Variants in RBM23 observed in about 807,000 individuals in gnomAD.
RBM23 encodes probable RNA-binding protein 23.
In RBM23, 53 loss-of-function variants were observed where a neutral mutation model predicts 56.2. That is an observed-to-expected ratio of 0.94 (90% CI 0.76 to 1.19). The LOEUF (loss-of-function observed/expected upper bound fraction) is 1.19. Ranked by LOEUF, RBM23 falls within the 50% of genes most tolerant of loss-of-function variation. RBM23 has a pLI of 0.00. For missense variants in RBM23, 642 were observed against 590.3 expected (o/e 1.09, Z -0.91); for synonymous variants, 197 against 198.5 (o/e 0.99, Z 0.06).
rs985991208 is a variant in RBM23 at position 22,899,656 on chromosome 14, G to GT, written c.*2073dup. 6.6e-6 allele frequency: 1 copy of GT among 152,210 alleles called. No homozygotes were observed. Among genetic ancestry groups the GT allele is most frequent in the African/African-American group, 2.4e-5 (1 of 41,406 alleles). 9.4% of individuals were successfully genotyped at this position (152,210 alleles called of 1,614,324 possible). A position where few individuals can be genotyped will look rare whatever the true frequency, so the allele number is the denominator to read the frequency against. On this transcript the variant is annotated 3_prime_UTR_variant, in exon 14 of 14. Coordinates refer to ENST00000359890, the MANE Select transcript of RBM23 (RefSeq NM_001077351.2). ...CTCCCAAAGTGCTGGGATTACAGGCGTGAGCCAGTGCACCCAGCCTACACC... is the reference window on the plus strand; with the variant it reads ...CTCCCAAAGTGCTGGGATTACAGGCGTTGAGCCAGTGCACCCAGCCTACACC...
Position 22,894,557 on chromosome 14 carries a change from A to C in RBM23, c.*7173T>G, listed in dbSNP as rs1212164967. The C allele has an allele frequency of 6.6e-6, 1 of 151,978 alleles. No individual in the cohort carries two copies. Among genetic ancestry groups the C allele is most frequent in the African/African-American group, 2.4e-5 (1 of 41,350 alleles). The allele number at this position is 151,978 out of a possible 1,614,324, so 9.4% of individuals were successfully genotyped here. On this transcript the variant is annotated 3_prime_UTR_variant, in exon 14 of 14. Transcript: ENST00000359890. ...TGGTGAAACCCTATTTCTACTAAAA[A>C]AAATTACAAAAATTAGCCAGGCATG...
At position 22,906,339 on chromosome 14, in the gene RBM23, C is replaced by A. The variant is rs761367130; in HGVS notation, c.257G>T (p.Arg86Leu). ...TGGACTTCGGCTCCGACTATTTCTCCGTCTATACCGATCCCGATCTCGACT... is the reference window on the plus strand; with the variant it reads ...TGGACTTCGGCTCCGACTATTTCTCAGTCTATACCGATCCCGATCTCGACT... The part of the protein sequence containing the change: ...SRSRDRDRYR[R>L]RNSRSRSPGR... Residue 86 changes from arginine (R) to leucine (L), a missense_variant, in exon 5 of 14, where the codon CGG (arginine) becomes CTG (leucine). Physicochemically the swap from Arg to Leu is moderately radical, Grantham distance 102 (BLOSUM62 -2). Coordinates refer to ENST00000359890, the MANE Select transcript of RBM23 (RefSeq NM_001077351.2). 6.2e-7 allele frequency: 1 copy of A among 1,614,224 alleles called. No individual in the cohort carries two copies. The highest frequency in any genetic ancestry group is 8.5e-7 in the Non-Finnish European group (1 of 1,180,042).
intron 10 of RBM23, chr14:22,902,797 C>CA (rs1490487859): frequency 4.6e-5 from 44 of 954,258 alleles, no homozygotes; most frequent in Non-Finnish European, 5.1e-5. Flanking sequence ...GACGGAGTCC[C>CA]ACTCTGTCAC....
In RBM23 at chr14:22,901,846, G is replaced by C. The variant is rs1127066; in HGVS notation, c.1284C>G (p.Phe428Leu). The change falls in exon 13 of 14, where the codon TTC (phenylalanine) becomes TTG (leucine). Residue 428 changes from phenylalanine (F) to leucine (L), a missense_variant. By Grantham distance (22) the Phe-to-Leu change is conservative (BLOSUM62 0). Transcript: ENST00000359890. ...SPALNLASQC[F>L]QLSSLFTPQT... ...GGGGGGTAAAGAGGCTGGAGAGCTGGAAACACTGGGAGGCAAGGTTCAGGG... is the reference window on the plus strand; with the variant it reads ...GGGGGGTAAAGAGGCTGGAGAGCTGCAAACACTGGGAGGCAAGGTTCAGGG... 463,787 of 1,613,836 alleles carry C rather than the reference G, an allele frequency of 0.29. 69,010 individuals are homozygous for C. The highest frequency in any genetic ancestry group is 0.31 in the Non-Finnish European group (361,696 of 1,179,772).
In RBM23 at chr14:22,901,614, A is replaced by C; in HGVS notation, c.*116T>G. ...GGTGGCCCCAATTTCCTCAGAGACA[A>C]TGTCCATGCCCTCAGGATGGCTTGG... On this transcript the variant is annotated 3_prime_UTR_variant, in exon 14 of 14. Coordinates refer to ENST00000359890, the MANE Select transcript of RBM23 (RefSeq NM_001077351.2). The C allele has an allele frequency of 6.9e-7, 1 of 1,444,556 alleles. No homozygotes were observed. Among genetic ancestry groups the C allele is most frequent in the Non-Finnish European group, 9.7e-7 (1 of 1,036,062 alleles). 89.5% of individuals were successfully genotyped at this position (1,444,556 alleles called of 1,614,324 possible). A position where few individuals can be genotyped will look rare whatever the true frequency, so the allele number is the denominator to read the frequency against.
rs2041536657 is a variant in RBM23, at chr14:22,906,284, G to A, written c.312C>T (p.Ser104=). The A allele has an allele frequency of 1.2e-6, 2 of 1,614,116 alleles. No individual in the cohort carries two copies. The highest frequency in any genetic ancestry group is 2.7e-5 in the African/African-American group (2 of 74,946). ...ACTCACTACCATGTCGACGATCCCA[G>A]CTACGGCTACGGTGACGACACTGCC... ...PGRQCRHRSR[S]WDRRHGSESR... The change falls in exon 5 of 14, where the codon AGC becomes AGT. Residue 104 remains serine, a synonymous_variant. Coordinates refer to ENST00000359890, the MANE Select transcript of RBM23 (RefSeq NM_001077351.2).
intron 5 of RBM23, chr14:22,905,879 G>A (rs2041455341): frequency 5.0e-6 from 3 of 599,648 alleles, no homozygotes; most frequent in Non-Finnish European, 8.8e-6. Flanking sequence ...CTCCTTGTGT[G>A]GCTAGGATTA....
chr14:22,906,489 G>A (rs2041586742), intron 4 of RBM23, 121 bp from the exon 5 acceptor site: 1 of 1,140,848 alleles, frequency 8.8e-7, no homozygotes, highest in Non-Finnish European at 1.2e-6. Flanking sequence ...ACCTAGTGAT[G>A]TTACAGCCAC....
intron 1 of RBM23, among the ~76,000 whole-genome samples, chr14:22,915,096 A>T (rs1364707073): frequency 9.9e-5 from 15 of 152,168 alleles, no homozygotes; most frequent in Admixed American, 8.5e-4. Flanking sequence ...TTGACAATTA[A>T]ATAAGTGTAA....
intron 9 of RBM23, 56 bp downstream of exon 9, chr14:22,904,819 C>A (rs1434650997): frequency 6.2e-7 from 1 of 1,606,896 alleles, no homozygotes; most frequent in Non-Finnish European, 8.5e-7. Flanking sequence ...CACTCAAACA[C>A]TCACCCTCCC....
intron 10 of RBM23, 84 bp from the exon 11 acceptor site, chr14:22,902,466 TC>T: frequency 6.7e-6 from 10 of 1,491,932 alleles, no homozygotes; most frequent in Non-Finnish European, 8.1e-6. Context: ...AGTCCTACTA[TC>T]CCAGGAAAAT....
intron 10 of RBM23, chr14:22,903,019 C>T (rs1312396181): frequency 1.1e-5 from 10 of 935,174 alleles, no homozygotes; most frequent in African/African-American, 8.9e-5. Flanking sequence ...TGACCTCAGG[C>T]GATTCACCCA....
intron 2 of RBM23, among the ~76,000 whole-genome samples, chr14:22,910,112 A>G (rs2042201137): frequency 7.5e-6 from 1 of 132,852 alleles, no homozygotes; most frequent in Admixed American, 8.5e-5. Flanking sequence ...GGATTGTACC[A>G]CTGCACTCCA....
chr14:22,911,435 G>T, intron 1 of RBM23, 32 bp from the exon 2 acceptor site: 1 of 1,561,312 alleles, frequency 6.4e-7, no homozygotes, highest in Non-Finnish European at 8.8e-7. Context: ...GTAAGAATCT[G>T]TTTTATATTT....
Position 22,901,977 on chromosome 14 carries a change from T to C in RBM23, c.1246+3A>G. 1 of 1,611,264 alleles carries C rather than the reference T, an allele frequency of 6.2e-7. No homozygotes were observed. The highest frequency in any genetic ancestry group is 2.2e-5 in the East Asian group (1 of 44,798). Reference sequence around the variant, plus strand: ...TCCCTTCCTTTCCCATGTCCAAGACTACCAGTCAGAGCTGCTGGATTCAGG... The same window carrying C: ...TCCCTTCCTTTCCCATGTCCAAGACCACCAGTCAGAGCTGCTGGATTCAGG... On this transcript the variant is annotated splice_donor_region_variant and intron_variant, in intron 12 of 13. Coordinates refer to ENST00000359890, the MANE Select transcript of RBM23 (RefSeq NM_001077351.2).
chr14:22,906,151 C>T, intron 5 of RBM23, 44 bp downstream of exon 5: 1 of 1,604,504 alleles, frequency 6.2e-7, no homozygotes, highest in Non-Finnish European at 8.5e-7. Context: ...GTTGTTTTAT[C>T]CAGATTATTA....
Position 22,896,959 on chromosome 14 carries a change from T to A in RBM23, c.*4771A>T, listed in dbSNP as rs2040258109. 1 of 152,208 alleles carries A rather than the reference T, an allele frequency of 6.6e-6. No individual in the cohort carries two copies. The highest frequency in any genetic ancestry group is 2.4e-5 in the African/African-American group (1 of 41,448). 9.4% of individuals were successfully genotyped at this position (152,208 alleles called of 1,614,324 possible). On this transcript the variant is annotated 3_prime_UTR_variant, in exon 14 of 14. Transcript: ENST00000359890. Reference sequence around the variant, plus strand: ...GCTCGTGACTATTGCCTTCACCTGGTTGCCATGGAAACATCAGTCTCTGGT... The same window carrying A: ...GCTCGTGACTATTGCCTTCACCTGGATGCCATGGAAACATCAGTCTCTGGT...
Position 22,895,209 on chromosome 14 carries a change from A to C in RBM23, c.*6521T>G, listed in dbSNP as rs1488031327. 6.6e-6 allele frequency: 1 copy of C among 151,022 alleles called. No homozygotes were observed. Among genetic ancestry groups the C allele is most frequent in the African/African-American group, 2.4e-5 (1 of 40,978 alleles). 9.4% of individuals were successfully genotyped at this position (151,022 alleles called of 1,614,324 possible). On this transcript the variant is annotated 3_prime_UTR_variant, in exon 14 of 14. Transcript: ENST00000359890. ...ACCCTGTCTCCACTAAAAATACAAA[A>C]TTAGCTGGGAGTGGTGGCGCACGCC... is the stretch of plus-strand genomic sequence containing the variant.
At chr14:22,912,488 C>T (rs4982706) in intron 1 of RBM23, among the ~76,000 whole-genome samples, 86,009 of 151,966 alleles carry the variant, frequency 0.57, 25,239 homozygotes, top group East Asian at 0.79. Flanking sequence ...GAAACTGCCT[C>T]TCCCCAGGCT....
Sources: gnomAD v4.1 joint callset for allele counts (sites outside exome capture counted in the v4.1 genomes callset) on GRCh38, gnomAD v4.1.1 for gene constraint, MANE v1.5 for transcripts, NCBI Gene and HGNC (gene_info 2026-07-23, HGNC 2026-07-21) for gene names.